The following MGAM variants were observed in gnomAD, a reference collection of about 807,000 sequenced individuals.
MGAM encodes maltase-glucoamylase.
MGAM carries 253 observed loss-of-function variants against 358.8 expected under a neutral mutation model. The ratio of observed to expected loss-of-function variants is 0.71; its 90% confidence interval spans 0.64 to 0.78. MGAM has a LOEUF of 0.78. MGAM is among the 30% of genes least tolerant of loss of function. The pLI, the probability that MGAM is intolerant of heterozygous loss-of-function variation, is 0.00. For missense variants in MGAM, 3,080 were observed against 3,432.6 expected (o/e 0.90, Z 2.57); for synonymous variants, 1,105 against 1,227.1 (o/e 0.90, Z 2.08).
chr7:142,093,785 T>A (rs1176954640), intron 60 of MGAM, among the ~76,000 whole-genome samples: 1 of 145,850 alleles, frequency 6.9e-6, no homozygotes, highest in African/African-American at 2.4e-5. Context: ...AGCTTAATGA[T>A]CCTAGTGGGA....
intron 2 of MGAM, among the ~76,000 whole-genome samples, chr7:141,988,952 TC>T (rs1803821910): frequency 6.6e-6 from 1 of 152,178 alleles, no homozygotes; most frequent in Non-Finnish European, 1.5e-5. Flanking sequence ...GATGTTAAGG[TC>T]TTTTATATGG....
chr7:142,052,835 T>A lies in MGAM; in HGVS notation c.3010T>A (p.Ser1004Thr). 6.2e-7 allele frequency: 1 copy of A among 1,613,910 alleles called. No individual in the cohort carries two copies. The highest frequency in any genetic ancestry group is 8.5e-7 in the Non-Finnish European group (1 of 1,179,850). ...PFCYFVNDLY[S>T]VSDVQYNSHG... is the part of the protein sequence containing the mutation. ...TTGCTATTTTGTCAACGACCTATAC[T>A]CTGTCAGTGATGTTCAGTATAATTC... The change falls in exon 26 of 71, where the codon TCT (serine) becomes ACT (threonine). Residue 1004 changes from serine to threonine, a missense_variant. This residue lies in a region of MGAM where 1,816 missense variants were observed against 1,840.5 expected (regional missense o/e 0.99). Transcript: ENST00000475668.
intron 57 of MGAM, among the ~76,000 whole-genome samples, chr7:142,088,751 A>G (rs12155112): frequency 0.18 from 4,824 of 26,490 alleles, 182 homozygotes; most frequent in Middle Eastern, 0.24. Flanking sequence ...CTGTCTGTCT[A>G]TCTATCTATC....
chr7:142,023,465 A>G (rs992817331), intron 7 of MGAM, among the ~76,000 whole-genome samples: 3 of 152,074 alleles, frequency 2.0e-5, no homozygotes, highest in Admixed American at 2.0e-4. Flanking sequence ...ACACACATAC[A>G]TGTTTGTGTA....
chr7:142,103,880 G>A (rs142454942), intron 70 of MGAM, among the ~76,000 whole-genome samples: 1,560 of 148,374 alleles, frequency 0.011, 25 homozygotes, highest in African/African-American at 0.037. Flanking sequence ...TTTTTGAGAC[G>A]GAGTCTCACT....
At chr7:142,102,174 C>T (rs1391405866) in intron 68 of MGAM, among the ~76,000 whole-genome samples, 1 of 151,986 alleles carries the variant, frequency 6.6e-6, no homozygotes, top group Non-Finnish European at 1.5e-5. Flanking sequence ...TTGCCTAATA[C>T]CTCAAGATAA....
At chr7:142,055,851 T>A (rs1811469781) in intron 28 of MGAM, 125 bp downstream of exon 28, 3 of 1,488,700 alleles carry the variant, frequency 2.0e-6, no homozygotes, top group South Asian at 2.4e-5. Flanking sequence ...GTGGGCCAAT[T>A]CTCAGGCTCC....
At chr7:142,062,780 C>A in intron 35 of MGAM, 78 bp downstream of exon 35, 1 of 1,577,974 alleles carries the variant, frequency 6.3e-7, no homozygotes, top group South Asian at 1.2e-5. Flanking sequence ...CACTGACCTT[C>A]AATCAAGAGG....
chr7:142,052,172 T>G, intron 24 of MGAM, 122 bp from the exon 25 acceptor site: 1 of 824,366 alleles, frequency 1.2e-6, no homozygotes. Context: ...AAGTCATATG[T>G]TGCTTGGATG....
chr7:142,012,653 T>C (rs1805682397), intron 3 of MGAM, among the ~76,000 whole-genome samples: 2 of 152,246 alleles, frequency 1.3e-5, no homozygotes, highest in African/African-American at 2.4e-5. Flanking sequence ...TTTTATTATA[T>C]GTAGTGATTT....
At position 142,043,681 on chromosome 7, in the gene MGAM, C is replaced by G. The variant is rs1448015865; in HGVS notation, c.2498+2835C>G. ...AATACATATATTATATATACATATA[C>G]TATCTAATATATAATACATATATTA... On this transcript the variant is annotated intron_variant, in intron 21 of 70. Transcript: ENST00000475668. Among the ~76,000 whole-genome samples, 13 of 126,582 alleles carry G rather than the reference C, an allele frequency of 1.0e-4. No individual in the cohort carries two copies. In the East Asian group the frequency reaches 2.6e-3, roughly 26 times the overall value. The allele number at this position is 126,582 out of a possible 152,430, so 83.0% of individuals were successfully genotyped here. A position where few individuals can be genotyped will look rare whatever the true frequency, so the allele number is the denominator to read the frequency against.
At chr7:141,990,501 G>C (rs1803901462) in intron 2 of MGAM, among the ~76,000 whole-genome samples, 1 of 152,092 alleles carries the variant, frequency 6.6e-6, no homozygotes, top group Non-Finnish European at 1.5e-5. Flanking sequence ...ACCTGCAGTG[G>C]TTCCCTATTG....
In MGAM at chr7:142,034,729, C is replaced by T. The variant is rs372476876; in HGVS notation, c.1847C>T (p.Ala616Val). Residue 616 changes from alanine to valine, a missense_variant, in exon 16 of 71, where the codon GCG becomes GTG. Ala to Val is a moderately conservative substitution (Grantham distance 64). Coordinates refer to ENST00000475668, the MANE Select transcript of MGAM (RefSeq NM_001365693.1). The part of the protein sequence containing the change: ...RSFILTRSTF[A>V]GSGKFAAHWL... ...TTCATTCTGACCCGTTCTACCTTTG[C>T]GGGCTCTGGCAAGTTTGCAGCACAT... 42 of 1,613,486 alleles carry T rather than the reference C, an allele frequency of 2.6e-5. No homozygotes were observed. The highest frequency in any genetic ancestry group is 2.0e-4 in the South Asian group (18 of 91,080).
In MGAM at chr7:142,036,241, G is replaced by C; in HGVS notation, c.2032G>C (p.Ala678Pro). 1 of 1,611,604 alleles carries C rather than the reference G, an allele frequency of 6.2e-7. No homozygotes were observed. The highest frequency in any genetic ancestry group is 8.5e-7 in the Non-Finnish European group (1 of 1,178,942). ...CTGTAGGCGGTGGATGCAGTTGGGT[G>C]CATTTTATCCGTTTTCTAGAAATCA... ...ELCRRWMQLG[A>P]FYPFSRNHNG... Residue 678 changes from alanine (A) to proline (P), a missense_variant, in exon 17 of 71, where the codon GCA becomes CCA. By Grantham distance (27) the Ala-to-Pro change is conservative. Coordinates refer to ENST00000475668, the MANE Select transcript of MGAM (RefSeq NM_001365693.1).
At chr7:142,037,616 A>T (rs1190421871) in intron 18 of MGAM, among the ~76,000 whole-genome samples, 1 of 152,174 alleles carries the variant, frequency 6.6e-6, no homozygotes, top group African/African-American at 2.4e-5. Context: ...TTGTCTGCTC[A>T]TGAAATTTCT....
intron 9 of MGAM, among the ~76,000 whole-genome samples, 160 bp downstream of exon 9, chr7:142,027,387 G>A (rs1160041194): frequency 2.0e-5 from 3 of 152,158 alleles, no homozygotes; most frequent in Non-Finnish European, 4.4e-5. Flanking sequence ...TTGCTGTATA[G>A]CATTTTTATG....
In MGAM at chr7:142,000,093, C is replaced by T. The variant is rs138252486; in HGVS notation, c.-3+4163C>T. Among the ~76,000 whole-genome samples the T allele has an allele frequency of 5.0e-4, 76 of 152,308 alleles. No homozygotes were observed. In the East Asian group the frequency reaches 0.012, roughly 24 times the overall value. ...ATATTTACCTATGCATATTGGTTAT[C>T]TATTGCAGGGTAACAAATTACCTTA... On this transcript the variant is annotated intron_variant, in intron 1 of 70. Coordinates refer to ENST00000475668, the MANE Select transcript of MGAM (RefSeq NM_001365693.1).
At position 142,055,384 on chromosome 7, in the gene MGAM, G is replaced by C. The variant is rs544930037; in HGVS notation, c.3315-174G>C. On this transcript the variant is annotated intron_variant, in intron 27 of 70. Transcript: ENST00000475668. The stretch of plus-strand genomic sequence containing the variant: ...AACGGAAGAATGATGAATAACTCCT[G>C]GGCTTTTAGCGAGGATATCTGTGAT... Among the ~76,000 whole-genome samples, 7 of 152,198 alleles carry C rather than the reference G, an allele frequency of 4.6e-5. No homozygotes were observed. The South Asian group carries it at 1.5e-3, about 32-fold the overall frequency.
rs191091097 is a variant in MGAM at position 142,086,272 on chromosome 7, G to A, written c.6691G>A (p.Val2231Met). 9.5e-4 allele frequency: 1,461 copies of A among 1,544,702 alleles called. 207 individuals carry two copies. Among genetic ancestry groups the A allele is most frequent in the African/African-American group, 2.5e-3 (187 of 74,398 alleles). The change falls in exon 56 of 71, where the codon GTG becomes ATG. Residue 2231 changes from valine (V) to methionine (M), a missense_variant. By Grantham distance (21) the Val-to-Met change is conservative. Coordinates refer to ENST00000475668, the MANE Select transcript of MGAM (RefSeq NM_001365693.1). ...GCCCTATCCTGCCTTCACTCGGGGC[G>A]TGGAGGATGACGTCTTCATCAAGTA... Reference protein sequence around the residue: ...TQPYPAFTRGVEDDVFIKYPN... With the variant: ...TQPYPAFTRGMEDDVFIKYPN...
Sources: allele counts gnomAD v4.1 joint callset (sites outside exome capture counted in the v4.1 genomes callset), GRCh38; gene constraint gnomAD v4.1.1; regional missense constraint gnomAD v4.1.1; transcripts MANE v1.5; gene names NCBI Gene and HGNC (gene_info 2026-07-23, HGNC 2026-07-21).